Variants in SPATA6 observed in about 807,000 individuals in gnomAD.
SPATA6 encodes spermatogenesis-associated protein 6.
Under a neutral mutation model 65.3 loss-of-function variants are expected in SPATA6, and 56 were observed. The ratio of observed to expected loss-of-function variants is 0.86; its 90% CI spans 0.69 to 1.07. The LOEUF is 1.07. Ranked by LOEUF, SPATA6 falls within the 50% of genes least tolerant of loss-of-function variation. The pLI, the probability that SPATA6 is intolerant of heterozygous loss-of-function variation, is 0.00. For missense variants in SPATA6, 590 were observed against 594.8 expected (o/e 0.99, Z 0.08); for synonymous variants, 199 against 213.2 (o/e 0.93, Z 0.58).
At chr1:48,321,177 C>A (rs971722790) in intron 11 of SPATA6, among the ~76,000 whole-genome samples, 5 of 152,066 alleles carry the variant, frequency 3.3e-5, no homozygotes, top group African/African-American at 7.2e-5. Flanking sequence ...AATAATAACA[C>A]TGAATGAAAA....
chr1:48,348,349 T>C (rs1374010234), intron 11 of SPATA6, among the ~76,000 whole-genome samples: 1 of 152,062 alleles, frequency 6.6e-6, no homozygotes, highest in African/African-American at 2.4e-5. Context: ...CATTGTTTCA[T>C]TTACATCAGT....
At chr1:48,301,329 C>G (rs770751355) in intron 12 of SPATA6, among the ~76,000 whole-genome samples, 11 of 149,620 alleles carry the variant, frequency 7.4e-5, no homozygotes, top group Non-Finnish European at 1.5e-4. Flanking sequence ...ACTGCTATGA[C>G]AAAAACTATA....
intron 1 of SPATA6, among the ~76,000 whole-genome samples, chr1:48,462,033 T>C (rs998028105): frequency 4.6e-5 from 7 of 152,206 alleles, no homozygotes; most frequent in African/African-American, 1.4e-4. Context: ...GATGAGTTCA[T>C]GTCCTTTGTA....
chr1:48,268,958 T>C, the SPATA6 span, among the ~76,000 whole-genome samples: 3 of 152,282 alleles, frequency 2.0e-5, no homozygotes, highest in Admixed American at 1.3e-4. Context: ...CCATCCTAGG[T>C]GGGTATTATT....
intron 11 of SPATA6, among the ~76,000 whole-genome samples, chr1:48,307,802 C>A (rs1645099207): frequency 6.6e-6 from 1 of 151,714 alleles, no homozygotes; most frequent in Admixed American, 6.6e-5. Flanking sequence ...ATGGTCATAT[C>A]TTCCTGATGG....
chr1:48,306,307 G>T (rs1393603761), intron 11 of SPATA6, among the ~76,000 whole-genome samples: 1 of 151,880 alleles, frequency 6.6e-6, no homozygotes, highest in Non-Finnish European at 1.5e-5. Context: ...AAAGGAAATG[G>T]CTTAGACTTA....
In SPATA6 at chr1:48,359,741, G is replaced by A. The variant is rs138421307; in HGVS notation, c.939C>T (p.Phe313=). The change falls in exon 10 of 13, where the codon TTC becomes TTT. Residue 313 remains phenylalanine, a synonymous_variant. Transcript: ENST00000371847. The stretch of plus-strand genomic sequence containing the variant: ...CTTCACATTTTTCTAAAGAGTCATC[G>A]AAGTCTCTCCCATGGGGTGTCCTGA... ...KVIRTPHGRD[F]DDSLEKCEEY... 20 of 1,612,792 alleles carry A rather than the reference G, an allele frequency of 1.2e-5. No individual in the cohort carries two copies. In the African/African-American group the frequency reaches 1.6e-4, roughly 13 times the overall value.
At chr1:48,314,089 A>G (rs2148676414) in intron 11 of SPATA6, among the ~76,000 whole-genome samples, 1 of 152,258 alleles carries the variant, frequency 6.6e-6, no homozygotes, top group Admixed American at 6.5e-5. Flanking sequence ...CACAATAATA[A>G]TGGGAGACTT....
intron 3 of SPATA6, chr1:48,436,839 C>T (rs1214407914): frequency 6.2e-7 from 1 of 1,612,192 alleles, no homozygotes; most frequent in Non-Finnish European, 8.5e-7. Flanking sequence ...CATTGGATAT[C>T]AGTATTTTCC....
chr1:48,276,766 T>C, the SPATA6 span, among the ~76,000 whole-genome samples: 12 of 152,372 alleles, frequency 7.9e-5, no homozygotes, highest in East Asian at 2.3e-3. Context: ...TGGTCAATTT[T>C]AGAATGAGTA....
chr1:48,367,414 T>C (rs1434943887), intron 9 of SPATA6, among the ~76,000 whole-genome samples: 2 of 152,174 alleles, frequency 1.3e-5, no homozygotes, highest in African/African-American at 4.8e-5. Flanking sequence ...TCTCCCATTA[T>C]TATTGTGTGG....
downstream of SPATA6, among the ~76,000 whole-genome samples, chr1:48,292,755 C>T (rs1462975252): frequency 6.6e-6 from 1 of 152,260 alleles, no homozygotes. Flanking sequence ...CTGTCATTAA[C>T]AGCCAGGGCC....
At chr1:48,413,187 AATT>A (rs1216124106) in intron 3 of SPATA6, 36 bp from the exon 4 acceptor site, 3 of 1,241,244 alleles carry the variant, frequency 2.4e-6, no homozygotes, top group Non-Finnish European at 3.2e-6. Context: ...TAAATAAACA[AATT>A]AATAACAAAA....
the SPATA6 span, among the ~76,000 whole-genome samples, chr1:48,283,489 G>A: frequency 1.3e-5 from 2 of 150,790 alleles, no homozygotes; most frequent in Non-Finnish European, 3.0e-5. Context: ...GACCATCCTG[G>A]CCAACATGGT....
the SPATA6 span, among the ~76,000 whole-genome samples, chr1:48,284,264 T>G: frequency 6.6e-6 from 1 of 152,196 alleles, no homozygotes; most frequent in African/African-American, 2.4e-5. Flanking sequence ...TCATGCTGTG[T>G]TTTTCAACTC....
At chr1:48,456,772 T>C (rs1483870689) in intron 1 of SPATA6, among the ~76,000 whole-genome samples, 1 of 152,088 alleles carries the variant, frequency 6.6e-6, no homozygotes. Context: ...AGAGGAGATA[T>C]GAGCTGTCGG....
chr1:48,466,349 C>T (rs145471116), intron 1 of SPATA6, among the ~76,000 whole-genome samples: 23 of 152,060 alleles, frequency 1.5e-4, no homozygotes, highest in Admixed American at 9.2e-4. Flanking sequence ...AAGCAGGTTG[C>T]AGAAGGATAC....
At chr1:48,427,717 A>G (rs553389104) in intron 3 of SPATA6, among the ~76,000 whole-genome samples, 2 of 152,178 alleles carry the variant, frequency 1.3e-5, no homozygotes, top group Non-Finnish European at 2.9e-5. Context: ...AAACCTCCAT[A>G]TAACTTTTTT....
chr1:48,306,922 T>C (rs1041690521), intron 11 of SPATA6, among the ~76,000 whole-genome samples: 1 of 152,038 alleles, frequency 6.6e-6, no homozygotes, highest in African/African-American at 2.4e-5. Flanking sequence ...TTCCCTTAAC[T>C]TATTTGGTCT....
Sources: allele counts gnomAD v4.1 joint callset (sites outside exome capture counted in the v4.1 genomes callset), GRCh38; gene constraint gnomAD v4.1.1; transcripts MANE v1.5; gene names NCBI Gene and HGNC (gene_info 2026-07-23, HGNC 2026-07-21).